The following GRAMD1B variants were observed in gnomAD, a reference collection of about 807,000 sequenced individuals.
The protein encoded by GRAMD1B is GRAM domain containing 1B.
GRAMD1B carries 37 observed loss-of-function variants against 99.7 expected under a neutral mutation model. That is an observed-to-expected ratio of 0.37 (90% CI 0.29 to 0.49). The LOEUF is 0.49. Ranked by LOEUF, GRAMD1B falls within the 20% of genes least tolerant of loss-of-function variation. The pLI, the probability that GRAMD1B is intolerant of heterozygous loss-of-function variation, is 0.98. For missense variants in GRAMD1B, 888 were observed against 1,009.2 expected, an observed-to-expected ratio of 0.88 and a Z score of 1.63; for synonymous variants, 427 against 387.6, an observed-to-expected ratio of 1.10 and a Z score of -1.19.
At chr11:123,532,294 G>A (rs1284642356) in intron 2 of GRAMD1B, among the ~76,000 whole-genome samples, 1 of 152,210 alleles carries the variant, frequency 6.6e-6, no homozygotes, top group Non-Finnish European at 1.5e-5. Flanking sequence ...TGGTCAGGGT[G>A]GGGTGGGGAG....
intron 2 of GRAMD1B, among the ~76,000 whole-genome samples, chr11:123,541,717 T>C (rs1432324344): frequency 6.6e-6 from 1 of 152,206 alleles, no homozygotes; most frequent in South Asian, 2.1e-4. Context: ...TGTTGGTTTG[T>C]TTGAATATAA....
chr11:123,373,599 T>C (rs916319674), intron 1 of GRAMD1B, among the ~76,000 whole-genome samples: 1 of 152,200 alleles, frequency 6.6e-6, no homozygotes, highest in African/African-American at 2.4e-5. Flanking sequence ...TGGAAGAGGA[T>C]AAAACATTCT....
chr11:123,512,775 G>A (rs1038320264), intron 2 of GRAMD1B, among the ~76,000 whole-genome samples: 1 of 132,156 alleles, frequency 7.6e-6, no homozygotes, highest in African/African-American at 2.9e-5. Context: ...GGTATTTTCA[G>A]TCTGTGCCTG....
intron 2 of GRAMD1B, among the ~76,000 whole-genome samples, chr11:123,500,577 A>G (rs1379585134): frequency 4.6e-5 from 7 of 152,218 alleles, no homozygotes; most frequent in Non-Finnish European, 8.8e-5. Flanking sequence ...TAAATCCAAG[A>G]AAATGCAGAG....
At chr11:123,588,584 C>T (rs1768361225) in intron 4 of GRAMD1B, among the ~76,000 whole-genome samples, 1 of 152,196 alleles carries the variant, frequency 6.6e-6, no homozygotes, top group Non-Finnish European at 1.5e-5. Context: ...GGGAGGCATT[C>T]TGATCACCTT....
At chr11:123,470,492 A>ATTTT (rs1950959110) in intron 1 of GRAMD1B, among the ~76,000 whole-genome samples, 1 of 143,966 alleles carries the variant, frequency 6.9e-6, no homozygotes, top group African/African-American at 2.6e-5. Context: ...GCCAACTCAC[A>ATTTT]TTTTTCTTTC....
At chr11:123,501,621 G>T (rs2135171133) in intron 2 of GRAMD1B, among the ~76,000 whole-genome samples, 1 of 152,316 alleles carries the variant, frequency 6.6e-6, no homozygotes, top group South Asian at 2.1e-4. Flanking sequence ...CTCCAGAGGT[G>T]GAGGTGTGTG....
At chr11:123,567,727 G>GGGAT (rs1465246072) in intron 2 of GRAMD1B, among the ~76,000 whole-genome samples, 1 of 152,082 alleles carries the variant, frequency 6.6e-6, no homozygotes, top group Non-Finnish European at 1.5e-5. Context: ...AGGGGGGAGT[G>GGGAT]GGATGGATGG....
chr11:123,494,414 A>G (rs1454865849), intron 2 of GRAMD1B, among the ~76,000 whole-genome samples: 1 of 147,410 alleles, frequency 6.8e-6, no homozygotes, highest in Non-Finnish European at 1.5e-5. Flanking sequence ...GACAGCACTT[A>G]AGGCCTTTTT....
Position 123,606,691 on chromosome 11 carries a change from G to C in GRAMD1B, c.1406G>C (p.Gly469Ala). 1 of 1,613,546 alleles carries C rather than the reference G, an allele frequency of 6.2e-7. No individual in the cohort carries two copies. Among genetic ancestry groups the C allele is most frequent in the Non-Finnish European group, 8.5e-7 (1 of 1,179,696 alleles). Residue 469 changes from glycine (G) to alanine (A), a missense_variant, in exon 11 of 20, where the codon GGG (glycine) becomes GCG (alanine). Transcript: ENST00000635736. The part of the protein sequence containing the change: ...EKELAIDNIM[G>A]EKIEMIAPVN... The stretch of plus-strand genomic sequence containing the variant: ...GAGCTCGCCATTGACAACATCATGG[G>C]GGAGAAGATTGAGATGATCGCTCCT...
chr11:123,540,516 C>T (rs1187707603), intron 2 of GRAMD1B, among the ~76,000 whole-genome samples: 1 of 152,064 alleles, frequency 6.6e-6, no homozygotes, highest in African/African-American at 2.4e-5. Context: ...TTAGAGTTCT[C>T]TTACATATGT....
intron 2 of GRAMD1B, among the ~76,000 whole-genome samples, chr11:123,531,149 C>T (rs948673782): frequency 2.0e-5 from 3 of 152,200 alleles, no homozygotes; most frequent in African/African-American, 7.2e-5. Context: ...GCACACCCTC[C>T]TGCGAACAGT....
At chr11:123,500,140 G>T (rs1939711713) in intron 2 of GRAMD1B, among the ~76,000 whole-genome samples, 1 of 152,160 alleles carries the variant, frequency 6.6e-6, no homozygotes, top group Non-Finnish European at 1.5e-5. Flanking sequence ...GGCCAACGTG[G>T]TGAAACCCCG....
At chr11:123,479,593 A>G (rs1951478773) in intron 1 of GRAMD1B, among the ~76,000 whole-genome samples, 1 of 152,196 alleles carries the variant, frequency 6.6e-6, no homozygotes, top group African/African-American at 2.4e-5. Flanking sequence ...CTTCCTGGTA[A>G]TAAGGATTTA....
rs1342494048 is a variant in GRAMD1B at position 123,480,802 on chromosome 11, A to C, written c.375-14A>C. ...AGCTGAAGTTAACGGTTGATATCCT[A>C]TGTCTTTCCTCAGCAGCCAACAGAG... On this transcript the variant is annotated splice_polypyrimidine_tract_variant and intron_variant, in intron 1 of 19. Transcript: ENST00000635736. 2.5e-6 allele frequency: 1 copy of C among 398,868 alleles called. No individual in the cohort carries two copies. Among genetic ancestry groups the C allele is most frequent in the Non-Finnish European group, 4.4e-6 (1 of 226,134 alleles). The allele number at this position is 398,868 out of a possible 1,614,324, so 24.7% of individuals were successfully genotyped here.
chr11:123,619,058 C>A lies in GRAMD1B; in HGVS notation c.2427-49C>A, dbSNP rs564687288. 5.7e-6 allele frequency: 6 copies of A among 1,050,820 alleles called. No individual in the cohort carries two copies. The East Asian group carries it at 7.8e-5, about 14-fold the overall frequency. 65.1% of individuals were successfully genotyped at this position (1,050,820 alleles called of 1,614,324 possible). ...AGGGGTCTGGGAGCCCAGGACAGTTCGCTGAGCATAACTCCAGCTGCTGGG... is the reference window on the plus strand; with the variant it reads ...AGGGGTCTGGGAGCCCAGGACAGTTAGCTGAGCATAACTCCAGCTGCTGGG... On this transcript the variant is annotated intron_variant, in intron 18 of 19. Transcript: ENST00000635736.
At chr11:123,479,777 A>G (rs1472448182) in intron 1 of GRAMD1B, among the ~76,000 whole-genome samples, 2 of 152,216 alleles carry the variant, frequency 1.3e-5, no homozygotes, top group Non-Finnish European at 2.9e-5. Flanking sequence ...CAAAGATAAT[A>G]TGTAAATGTA....
chr11:123,483,181 G>A (rs532770189), intron 2 of GRAMD1B, among the ~76,000 whole-genome samples: 57 of 152,274 alleles, frequency 3.7e-4, no homozygotes, highest in African/African-American at 1.3e-3. Context: ...ACTCTTCCAT[G>A]ATAGAGCTGT....
intron 2 of GRAMD1B, among the ~76,000 whole-genome samples, chr11:123,543,035 G>C (rs1413792434): frequency 6.6e-6 from 1 of 151,634 alleles, no homozygotes; most frequent in Non-Finnish European, 1.5e-5. Context: ...TACCTCCTTT[G>C]CACTTGATTT....
Sources: gnomAD v4.1 joint callset for allele counts (sites outside exome capture counted in the v4.1 genomes callset) on GRCh38, gnomAD v4.1.1 for gene constraint, MANE v1.5 for transcripts, NCBI Gene and HGNC (gene_info 2026-07-23, HGNC 2026-07-21) for gene names.